PRIM2: variants seen among roughly 807,000 people sequenced by gnomAD.
The protein encoded by PRIM2 is DNA primase large subunit.
Under a neutral mutation model 67.3 loss-of-function variants are expected in PRIM2, and 39 were observed. The ratio of observed to expected loss-of-function variants is 0.58; its 90% CI spans 0.45 to 0.76. PRIM2 has a LOEUF of 0.76. Ranked by LOEUF, PRIM2 falls within the 30% of genes least tolerant of loss-of-function variation. The pLI is 0.00. For missense variants in PRIM2, 398 were observed against 598.7 expected (o/e 0.66, Z 3.50); for synonymous variants, 143 against 198.7 (o/e 0.72, Z 2.36).
chr6:57,262,891 C>T, the PRIM2 span, among the ~76,000 whole-genome samples: 1 of 152,156 alleles, frequency 6.6e-6, no homozygotes, highest in African/African-American at 2.4e-5. Context: ...ACAGCTCTCC[C>T]AACCCCCAAA....
chr6:57,407,757 A>G (rs1286462593), intron 7 of PRIM2, among the ~76,000 whole-genome samples: 1 of 152,188 alleles, frequency 6.6e-6, no homozygotes, highest in Non-Finnish European at 1.5e-5. Flanking sequence ...AGAGCCTCTG[A>G]ACTGATTAGT....
chr6:57,316,426 G>T (rs1048035923), upstream of PRIM2, among the ~76,000 whole-genome samples: 1 of 152,132 alleles, frequency 6.6e-6, no homozygotes, highest in Non-Finnish European at 1.5e-5. Context: ...ATTGGTGGTG[G>T]GTCGGGGGGA....
In PRIM2 at chr6:57,491,757, G is replaced by T. The variant is rs1203205019; in HGVS notation, c.694-15630G>T. Among the ~76,000 whole-genome samples the T allele has an allele frequency of 6.6e-5, 10 of 152,276 alleles. No individual in the cohort carries two copies. In the East Asian group the frequency reaches 1.9e-3, roughly 29 times the overall value. The stretch of plus-strand genomic sequence containing the variant: ...CAGGCACCAGAGATTGAGTGGAGTA[G>T]AATTTATTAAGCAAAAGGAAAGCTC... On this transcript the variant is annotated intron_variant, in intron 7 of 13. Transcript: ENST00000615550.
intron 7 of PRIM2, among the ~76,000 whole-genome samples, chr6:57,476,448 A>G (rs1773479418): frequency 6.6e-6 from 1 of 152,224 alleles, no homozygotes; most frequent in African/African-American, 2.4e-5. Context: ...TGAGTGAACT[A>G]CAGTTCCACA....
At chr6:57,483,249 T>C (rs1773672290) in intron 7 of PRIM2, among the ~76,000 whole-genome samples, 2 of 152,156 alleles carry the variant, frequency 1.3e-5, no homozygotes, top group Non-Finnish European at 2.9e-5. Flanking sequence ...CTAGATTATT[T>C]ATTTCCAAAA....
chr6:57,244,481 C>T, the PRIM2 span, among the ~76,000 whole-genome samples: 1 of 152,116 alleles, frequency 6.6e-6, no homozygotes, highest in Non-Finnish European at 1.5e-5. Flanking sequence ...ATTTTGTTGG[C>T]TGGGCGCGGT....
At chr6:57,253,554 G>A in the PRIM2 span, among the ~76,000 whole-genome samples, 1 of 151,892 alleles carries the variant, frequency 6.6e-6, no homozygotes, top group Non-Finnish European at 1.5e-5. Context: ...CCACCCTTCA[G>A]CACTGAGATC....
chr6:57,494,554 G>A (rs1773964606), intron 7 of PRIM2, among the ~76,000 whole-genome samples: 2 of 152,194 alleles, frequency 1.3e-5, no homozygotes, highest in South Asian at 4.1e-4. Flanking sequence ...ATTTTTACTG[G>A]TATTAATACA....
intron 7 of PRIM2, among the ~76,000 whole-genome samples, chr6:57,442,263 G>A (rs1292472517): frequency 1.3e-5 from 2 of 152,168 alleles, no homozygotes; most frequent in South Asian, 2.1e-4. Flanking sequence ...TGAGTGGGAT[G>A]AACTCTTAGT....
At chr6:57,226,687 A>G in the PRIM2 span, among the ~76,000 whole-genome samples, 1 of 152,246 alleles carries the variant, frequency 6.6e-6, no homozygotes, top group Non-Finnish European at 1.5e-5. Context: ...GAAAACATAG[A>G]GTAGTGGAAA....
intron 5 of PRIM2, among the ~76,000 whole-genome samples, chr6:57,333,478 G>T (rs769161686): frequency 2.0e-5 from 3 of 152,074 alleles, no homozygotes; most frequent in Admixed American, 6.5e-5. Flanking sequence ...CTTTCATGGC[G>T]ATGTCTGCAC....
Position 57,374,273 on chromosome 6 carries a change from CTATT to C in PRIM2, c.460-5598_460-5595del, listed in dbSNP as rs60492288. Among the ~76,000 whole-genome samples the C allele has an allele frequency of 1.4e-3, 183 of 132,136 alleles. 1 individual carries two copies. The highest frequency in any genetic ancestry group is 5.4e-3 in the East Asian group (26 of 4,782). The allele number at this position is 132,136 out of a possible 152,430, so 86.7% of individuals were successfully genotyped here. On this transcript the variant is annotated intron_variant, in intron 5 of 13. Coordinates refer to ENST00000615550, the MANE Select transcript of PRIM2 (RefSeq NM_000947.5). The stretch of plus-strand genomic sequence containing the variant: ...TGGCTATTGTTGGTGTATAGGAATG[CTATT>C]TATTTATTTATTTATTTATTTATTT...
Position 57,532,411 on chromosome 6 carries a change from T to A in PRIM2, c.762T>A (p.Ser254Arg). ...AATATTTTTTTTTCTTTTTTTAAAG[T>A]CATTCCTACACTGGCCAAGATTACA... ...ERLQPLLNHL[S>R]HSYTGQDYST... The change falls in exon 9 of 14, where the codon AGT becomes AGA. Residue 254 changes from serine to arginine, a missense_variant and splice_region_variant. Physicochemically the swap from Ser to Arg is moderately radical, Grantham distance 110 (BLOSUM62 -1). Transcript: ENST00000615550. 7.6e-7 allele frequency: 1 copy of A among 1,314,224 alleles called. No homozygotes were observed. Among genetic ancestry groups the A allele is most frequent in the Non-Finnish European group, 1.0e-6 (1 of 978,464 alleles). 81.4% of individuals were successfully genotyped at this position (1,314,224 alleles called of 1,614,324 possible). A position where few individuals can be genotyped will look rare whatever the true frequency, so the allele number is the denominator to read the frequency against.
At chr6:57,245,806 G>C in the PRIM2 span, among the ~76,000 whole-genome samples, 1 of 152,206 alleles carries the variant, frequency 6.6e-6, no homozygotes, top group South Asian at 2.1e-4. Flanking sequence ...AGTGGTCTTG[G>C]GATAGTGCAG....
intron 7 of PRIM2, among the ~76,000 whole-genome samples, chr6:57,392,793 G>A (rs77247081): frequency 2.6e-5 from 4 of 151,826 alleles, no homozygotes; most frequent in East Asian, 3.9e-4. Context: ...AGCAGTATAC[G>A]CTACACCATT....
chr6:57,410,954 G>A (rs4715680), intron 7 of PRIM2, among the ~76,000 whole-genome samples: 1 of 151,736 alleles, frequency 6.6e-6, no homozygotes, highest in Non-Finnish European at 1.5e-5. Context: ...ATGTGATATA[G>A]CTTGGATATT....
At chr6:57,398,920 T>A (rs531005982) in intron 7 of PRIM2, among the ~76,000 whole-genome samples, 11 of 152,268 alleles carry the variant, frequency 7.2e-5, no homozygotes, top group East Asian at 1.9e-4. Context: ...GTCTTTTTTT[T>A]ATCTTTTGTT....
At chr6:57,636,418 C>T (rs1777122664) in intron 13 of PRIM2, among the ~76,000 whole-genome samples, 1 of 151,918 alleles carries the variant, frequency 6.6e-6, no homozygotes, top group African/African-American at 2.4e-5. Flanking sequence ...CCCCCACATA[C>T]AAAAAAACCC....
At chr6:57,239,171 A>G in the PRIM2 span, among the ~76,000 whole-genome samples, 2 of 151,884 alleles carry the variant, frequency 1.3e-5, no homozygotes, top group Admixed American at 6.6e-5. Flanking sequence ...TTGTATTTTT[A>G]GTAGAGATGG....
Sources: gnomAD v4.1 joint callset for allele counts (sites outside exome capture counted in the v4.1 genomes callset) on GRCh38, gnomAD v4.1.1 for gene constraint, MANE v1.5 for transcripts, NCBI Gene and HGNC (gene_info 2026-07-23, HGNC 2026-07-21) for gene names.